PTPRN2: variants seen among roughly 807,000 people sequenced by gnomAD.
PTPRN2 encodes the protein protein tyrosine phosphatase receptor type N2, also known as receptor-type tyrosine-protein phosphatase N2.
A neutral mutation model predicts 118.8 loss-of-function variants in PTPRN2; 74 were observed. The observed-to-expected ratio is 0.62, with a 90% CI of 0.52 to 0.76. The LOEUF is 0.76. PTPRN2 is among the 30% of genes least tolerant of loss of function. PTPRN2 has a pLI of 0.00. For missense variants in PTPRN2, 1,481 were observed against 1,394.4 expected, an observed-to-expected ratio of 1.06 and a Z score of -0.99; for synonymous variants, 641 against 608.0, an observed-to-expected ratio of 1.05 and a Z score of -0.80.
chr7:158,075,552 T>C (rs1411898779), intron 11 of PTPRN2, among the ~76,000 whole-genome samples: 1 of 152,176 alleles, frequency 6.6e-6, no homozygotes, highest in African/African-American at 2.4e-5. Flanking sequence ...CGGGGCCCAC[T>C]GTGCAGACCC....
intron 12 of PTPRN2, among the ~76,000 whole-genome samples, chr7:157,821,325 G>T (rs1445781011): frequency 2.6e-5 from 4 of 152,226 alleles, no homozygotes; most frequent in African/African-American, 9.6e-5. Flanking sequence ...TCTGGTCAGA[G>T]CTATAAATTC....
intron 9 of PTPRN2, among the ~76,000 whole-genome samples, chr7:158,132,077 GACACAC>G (rs773917301): frequency 2.7e-5 from 4 of 147,682 alleles, no homozygotes; most frequent in Non-Finnish European, 4.5e-5. Flanking sequence ...ACATCTACCT[GACACAC>G]ACACACACGC....
chr7:158,280,950 G>A (rs1799385735), intron 3 of PTPRN2, among the ~76,000 whole-genome samples: 1 of 152,248 alleles, frequency 6.6e-6, no homozygotes, highest in Non-Finnish European at 1.5e-5. Flanking sequence ...ACATAGGCTA[G>A]CGAGAGTCTA....
intron 2 of PTPRN2, among the ~76,000 whole-genome samples, chr7:158,326,274 C>CGTGCT (rs1298070853): frequency 6.6e-6 from 1 of 152,232 alleles, no homozygotes; most frequent in Non-Finnish European, 1.5e-5. Context: ...CCAAGCAGCA[C>CGTGCT]CAGTGACCCC....
At chr7:157,727,797 C>T (rs1585318715) in intron 12 of PTPRN2, among the ~76,000 whole-genome samples, 1 of 152,196 alleles carries the variant, frequency 6.6e-6, no homozygotes, top group African/African-American at 2.4e-5. Context: ...TGATTGAGCC[C>T]AGACCCCCGC....
chr7:158,337,380 CCATAA>C, intron 2 of PTPRN2, among the ~76,000 whole-genome samples: 1 of 106,428 alleles, frequency 9.4e-6, no homozygotes, highest in Non-Finnish European at 2.1e-5. Flanking sequence ...CACACTCTCA[CCATAA>C]GAGGTAACAC....
At chr7:158,443,471 C>T (rs1358003066) in intron 2 of PTPRN2, among the ~76,000 whole-genome samples, 6 of 152,222 alleles carry the variant, frequency 3.9e-5, no homozygotes, top group African/African-American at 2.4e-5. Context: ...GGCTGCCCGC[C>T]GCCTGGTCAG....
At chr7:158,505,618 T>A (rs1018691026) in intron 1 of PTPRN2, among the ~76,000 whole-genome samples, 1 of 151,732 alleles carries the variant, frequency 6.6e-6, no homozygotes, top group Non-Finnish European at 1.5e-5. Flanking sequence ...CCTCTGCCTT[T>A]TGGTTTAGAG....
At position 158,532,883 on chromosome 7, in the gene PTPRN2, T is replaced by C. The variant is rs113547124; in HGVS notation, c.113-43098A>G. ...CACTCTGACGCGCAGACCATCTTGA[T>C]GGCTCAGGGACGGCCAGGCTCCACC... is the stretch of plus-strand genomic sequence containing the variant. On this transcript the variant is annotated intron_variant, in intron 1 of 22. Transcript: ENST00000389418. The C allele has an allele frequency of 1.0e-3, 521 of 512,044 alleles. 3 individuals carry two copies. Among genetic ancestry groups the C allele is most frequent in the African/African-American group, 9.3e-3 (483 of 51,748 alleles). 31.7% of individuals were successfully genotyped at this position (512,044 alleles called of 1,614,324 possible). A position where few individuals can be genotyped will look rare whatever the true frequency, so the allele number is the denominator to read the frequency against.
rs1430589271 is a variant in PTPRN2, at chr7:157,791,145, C to T, written c.1788+107528G>A. ...AGAACAGTCACTCTGGCATCGCCTG[C>T]AACAGCAAATAAATGAGTGGCAAAC... is the stretch of plus-strand genomic sequence containing the variant. On this transcript the variant is annotated intron_variant, in intron 12 of 22. Transcript: ENST00000389418. Among the ~76,000 whole-genome samples the T allele has an allele frequency of 2.6e-5, 4 of 152,266 alleles. No homozygotes were observed. In the East Asian group the frequency reaches 5.8e-4, roughly 22 times the overall value.
At chr7:158,334,429 C>A (rs1479893693) in intron 2 of PTPRN2, among the ~76,000 whole-genome samples, 3 of 69,710 alleles carry the variant, frequency 4.3e-5, no homozygotes, top group South Asian at 7.5e-4. Flanking sequence ...AGACGTCACT[C>A]ACACCCACAC....
chr7:157,835,635 G>A (rs1231043816), intron 12 of PTPRN2, among the ~76,000 whole-genome samples: 1 of 152,152 alleles, frequency 6.6e-6, no homozygotes, highest in Non-Finnish European at 1.5e-5. Flanking sequence ...CAGGGCGCTC[G>A]GGAGGGTGCA....
intron 11 of PTPRN2, among the ~76,000 whole-genome samples, chr7:158,056,268 C>T (rs1021964735): frequency 6.6e-6 from 1 of 152,160 alleles, no homozygotes; most frequent in Non-Finnish European, 1.5e-5. Flanking sequence ...TGCCCTGAGC[C>T]ATCACAGCAT....
intron 3 of PTPRN2, among the ~76,000 whole-genome samples, chr7:158,310,432 C>T (rs969012583): frequency 2.0e-5 from 3 of 152,238 alleles, no homozygotes; most frequent in Non-Finnish European, 1.5e-5. Context: ...AGAGGCTGTG[C>T]TCCTCGCAGA....
Position 158,138,401 on chromosome 7 carries a change from C to T in PTPRN2, c.1025G>A (p.Gly342Asp). Residue 342 changes from glycine to aspartate, a missense_variant, in exon 7 of 23, where the codon GGC (glycine) becomes GAC (aspartate). By Grantham distance (94) the Gly-to-Asp change is moderately conservative. Transcript: ENST00000389418. ...MAELMAGLMQ[G>D]VDHGVARGSP... is the part of the protein sequence containing the mutation. ...GCCTCGAGCTACTCCATGGTCCACG[C>T]CTTGCATCAGGCCAGCCATCAGCTC... 1.2e-6 allele frequency: 2 copies of T among 1,613,734 alleles called. No homozygotes were observed. Among genetic ancestry groups the T allele is most frequent in the Middle Eastern group, 1.7e-4 (1 of 6,060 alleles).
In PTPRN2 at chr7:158,205,233, G is replaced by C; in HGVS notation, c.318C>G (p.Asp106Glu). The C allele has an allele frequency of 6.2e-7, 1 of 1,614,082 alleles. No homozygotes were observed. The highest frequency in any genetic ancestry group is 8.5e-7 in the Non-Finnish European group (1 of 1,180,022). ...WQDDYTQYVM[D>E]QELADLPKTY... ...TTTTCGGGAGGTCTGCAAGTTCCTG[G>C]TCCATCACATACTGAGTATAGTCAT... The change falls in exon 4 of 23, where the codon GAC (aspartate) becomes GAG (glutamate). Residue 106 changes from aspartate to glutamate, a missense_variant. By Grantham distance (45) the Asp-to-Glu change is conservative. Coordinates refer to ENST00000389418, the MANE Select transcript of PTPRN2 (RefSeq NM_002847.5).
At chr7:157,569,730 C>T (rs1221500363) in intron 20 of PTPRN2, among the ~76,000 whole-genome samples, 2 of 152,232 alleles carry the variant, frequency 1.3e-5, no homozygotes, top group Non-Finnish European at 2.9e-5. Flanking sequence ...TTTCCTGCCC[C>T]CGTGCAGACG....
intron 6 of PTPRN2, among the ~76,000 whole-genome samples, chr7:158,147,787 T>A: frequency 1.1e-5 from 1 of 94,802 alleles, no homozygotes; most frequent in African/African-American, 5.0e-5. Context: ...TTATTCCCCC[T>A]CACTGACACC....
Position 157,674,325 on chromosome 7 carries a change from G to C in PTPRN2, c.2001+8400C>G, listed in dbSNP as rs761097462. Among the ~76,000 whole-genome samples the C allele has an allele frequency of 1.3e-5, 2 of 152,186 alleles. No individual in the cohort carries two copies. Among genetic ancestry groups the C allele is most frequent in the Non-Finnish European group, 2.9e-5 (2 of 68,028 alleles). ...GGCGAGGGTGGGGGGACTCCTGCTG[G>C]AGGCGGCCGGCAGATCAGCCTTCCT... On this transcript the variant is annotated intron_variant, in intron 13 of 22. Transcript: ENST00000389418. The surrounding 1 kb of genome is among the most constrained non-coding windows in gnomAD (Gnocchi z 4.5).
Sources: gnomAD v4.1 joint callset for allele counts (sites outside exome capture counted in the v4.1 genomes callset) on GRCh38, gnomAD v4.1.1 for gene constraint, Gnocchi (gnomAD v3.1) non-coding constraint, MANE v1.5 for transcripts, NCBI Gene and HGNC (gene_info 2026-07-23, HGNC 2026-07-21) for gene names.